Variants in LDB2 observed in about 807,000 individuals in gnomAD.
The protein encoded by LDB2 is LIM domain binding 2.
LDB2 carries 12 observed loss-of-function variants against 44.3 expected under a neutral mutation model. The observed-to-expected ratio is 0.27, with a 90% confidence interval of 0.17 to 0.44. The LOEUF (loss-of-function observed/expected upper bound fraction) is 0.44. Among genes scored for constraint, LDB2 ranks in the 20% least tolerant of loss-of-function variants. The pLI is 1.00. For synonymous variants in LDB2, 164 were observed against 174.8 expected (o/e 0.94, Z 0.49); for missense variants, 344 against 473.5 (o/e 0.73, Z 2.54).
At chr4:16,790,062 A>C (rs1448206120) in intron 1 of LDB2, among the ~76,000 whole-genome samples, 1 of 152,238 alleles carries the variant, frequency 6.6e-6, no homozygotes, top group Non-Finnish European at 1.5e-5. Flanking sequence ...TTTTAATGCC[A>C]TGTTGTCCCT....
chr4:16,869,547 G>A lies in LDB2; in HGVS notation c.132+28807C>T, dbSNP rs569641401. Among the ~76,000 whole-genome samples the A allele has an allele frequency of 7.0e-4, 106 of 152,186 alleles. 1 individual carries two copies. The highest frequency in any genetic ancestry group is 2.5e-3 in the African/African-American group (103 of 41,518). ...CAAGGCAGTTACTGCTACTATCAAC[G>A]TGCATTTACAAATGAGGCAACAGAC... is the stretch of plus-strand genomic sequence containing the variant. On this transcript the variant is annotated intron_variant, in intron 1 of 7. Coordinates refer to ENST00000304523, the MANE Select transcript of LDB2 (RefSeq NM_001290.5).
At chr4:16,894,693 G>A (rs1327239154) in intron 1 of LDB2, among the ~76,000 whole-genome samples, 1 of 152,086 alleles carries the variant, frequency 6.6e-6, no homozygotes, top group Non-Finnish European at 1.5e-5. Context: ...GGAGATACCA[G>A]GCCCCAAAAA....
At chr4:16,617,552 G>T (rs536391871) in intron 2 of LDB2, among the ~76,000 whole-genome samples, 33 of 152,214 alleles carry the variant, frequency 2.2e-4, no homozygotes, top group Non-Finnish European at 3.4e-4. Context: ...GGACACACTC[G>T]GTTTTGTATA....
chr4:16,859,563 TG>T (rs1296343488), intron 1 of LDB2, among the ~76,000 whole-genome samples: 1 of 152,202 alleles, frequency 6.6e-6, no homozygotes, highest in Non-Finnish European at 1.5e-5. Context: ...CCTCATTAGG[TG>T]TGCATTACTT....
intron 1 of LDB2, among the ~76,000 whole-genome samples, chr4:16,821,387 A>AT (rs140227606): frequency 0.66 from 86,188 of 130,552 alleles, 25,510 homozygotes; most frequent in Middle Eastern, 0.74. Flanking sequence ...TTTTTTTTTT[A>AT]TTTTTTTTTT....
At chr4:16,670,827 AG>A (rs1272006769) in intron 2 of LDB2, among the ~76,000 whole-genome samples, 2 of 152,196 alleles carry the variant, frequency 1.3e-5, no homozygotes, top group East Asian at 3.9e-4. Context: ...ACATGTAATA[AG>A]GGGTATGTGA....
chr4:16,853,466 A>G (rs188300792), intron 1 of LDB2, among the ~76,000 whole-genome samples: 4 of 152,306 alleles, frequency 2.6e-5, no homozygotes, highest in Admixed American at 2.6e-4. Flanking sequence ...GGCTGTTACC[A>G]AAAAGTCAAA....
chr4:16,849,629 C>T (rs1036368609), intron 1 of LDB2, among the ~76,000 whole-genome samples: 5 of 152,202 alleles, frequency 3.3e-5, no homozygotes, highest in African/African-American at 1.2e-4. Flanking sequence ...CTTTGGGAGC[C>T]ATTTAATACA....
intron 2 of LDB2, among the ~76,000 whole-genome samples, chr4:16,734,278 T>TAATG (rs1761386438): frequency 6.6e-6 from 1 of 152,150 alleles, no homozygotes; most frequent in African/African-American, 2.4e-5. Flanking sequence ...CTCACTGGGG[T>TAATG]AATGCATCCA....
At chr4:16,637,631 G>A (rs1733985006) in intron 2 of LDB2, among the ~76,000 whole-genome samples, 2 of 152,140 alleles carry the variant, frequency 1.3e-5, no homozygotes, top group Non-Finnish European at 2.9e-5. Flanking sequence ...ACCAAGAGAA[G>A]CCCTGGATGC....
chr4:16,569,595 C>T (rs944122970), intron 5 of LDB2, among the ~76,000 whole-genome samples: 2 of 152,070 alleles, frequency 1.3e-5, no homozygotes, highest in East Asian at 3.9e-4. Flanking sequence ...AATGGAATAC[C>T]AAGAAAAGAC....
At position 16,508,702 on chromosome 4, in the gene LDB2, G is replaced by A. The variant is rs907053453; in HGVS notation, c.740-16C>T. The stretch of plus-strand genomic sequence containing the variant: ...GTGGGTTCTGCTGCAATATGGAAAA[G>A]GGAAGAGGGATCAGTTCTAGGGCAA... On this transcript the variant is annotated splice_polypyrimidine_tract_variant and intron_variant, in intron 6 of 7. Coordinates refer to ENST00000304523, the MANE Select transcript of LDB2 (RefSeq NM_001290.5). 2 of 1,612,058 alleles carry A rather than the reference G, an allele frequency of 1.2e-6. No individual in the cohort carries two copies. The highest frequency in any genetic ancestry group is 1.7e-6 in the Non-Finnish European group (2 of 1,179,030).
intron 4 of LDB2, among the ~76,000 whole-genome samples, chr4:16,586,221 C>A (rs1345134935): frequency 1.3e-5 from 2 of 152,278 alleles, no homozygotes; most frequent in Middle Eastern, 6.8e-3. Flanking sequence ...TGGGGAAAAA[C>A]CAAACTGCTC....
intron 2 of LDB2, among the ~76,000 whole-genome samples, chr4:16,664,819 G>A (rs76229793): frequency 1.9e-3 from 290 of 152,296 alleles, no homozygotes; most frequent in African/African-American, 6.6e-3. Context: ...TTCGGGTGTC[G>A]GCTGGATGCC....
At chr4:16,573,756 G>A (rs1747420321) in intron 5 of LDB2, among the ~76,000 whole-genome samples, 2 of 152,078 alleles carry the variant, frequency 1.3e-5, no homozygotes, top group Middle Eastern at 3.2e-3. Context: ...AATGGTGAAT[G>A]GTATACCTGG....
At chr4:16,849,251 C>T (rs1160609813) in intron 1 of LDB2, among the ~76,000 whole-genome samples, 3 of 152,198 alleles carry the variant, frequency 2.0e-5, no homozygotes, top group Non-Finnish European at 4.4e-5. Flanking sequence ...TTAAATATCA[C>T]TTCCCCTGGG....
At chr4:16,652,210 G>C (rs1182599684) in intron 2 of LDB2, among the ~76,000 whole-genome samples, 1 of 152,064 alleles carries the variant, frequency 6.6e-6, no homozygotes, top group Non-Finnish European at 1.5e-5. Context: ...CCCTCCCAAA[G>C]TGTTATGTTT....
In LDB2 at chr4:16,776,581, G is replaced by A. The variant is rs575460960; in HGVS notation, c.133-17321C>T. Among the ~76,000 whole-genome samples, 555 of 152,250 alleles carry A rather than the reference G, an allele frequency of 3.6e-3. 4 individuals carry two copies. Among genetic ancestry groups the A allele is most frequent in the African/African-American group, 0.013 (527 of 41,544 alleles). ...GTGCATTCAGAAATATGCAGTGAGC[G>A]CCTACTTTGCGCGAGACACTCTTCT... is the stretch of plus-strand genomic sequence containing the variant. On this transcript the variant is annotated intron_variant, in intron 1 of 7. Transcript: ENST00000304523.
At chr4:16,872,516 A>C (rs1202806856) in intron 1 of LDB2, among the ~76,000 whole-genome samples, 1 of 152,208 alleles carries the variant, frequency 6.6e-6, no homozygotes, top group Non-Finnish European at 1.5e-5. Flanking sequence ...TTCTGGTTAA[A>C]AGAATCTTTG....
Sources: gnomAD v4.1 joint callset for allele counts (sites outside exome capture counted in the v4.1 genomes callset) on GRCh38, gnomAD v4.1.1 for gene constraint, MANE v1.5 for transcripts, NCBI Gene and HGNC (gene_info 2026-07-23, HGNC 2026-07-21) for gene names.